The following NXPE2 variants were observed in gnomAD, a reference collection of about 807,000 sequenced individuals.
NXPE2 encodes NXPE family member 2.
Under a neutral mutation model 34.4 loss-of-function variants are expected in NXPE2, and 34 were observed. The ratio of observed to expected loss-of-function variants is 0.99; its 90% confidence interval spans 0.75 to 1.31. The LOEUF (loss-of-function observed/expected upper bound fraction) is 1.31. Ranked by LOEUF, NXPE2 falls within the 40% of genes most tolerant of loss-of-function variation. The pLI is 0.00. For missense variants in NXPE2, 649 were observed against 672.5 expected (o/e 0.97, Z 0.39); for synonymous variants, 235 against 231.3 (o/e 1.02, Z -0.15).
the NXPE2 span, among the ~76,000 whole-genome samples, chr11:114,534,605 T>G: frequency 6.6e-6 from 1 of 152,134 alleles, no homozygotes; most frequent in Non-Finnish European, 1.5e-5. Flanking sequence ...CTGATGGAGC[T>G]GAAAACCACA....
chr11:114,757,658 A>G, the NXPE2 span, among the ~76,000 whole-genome samples: 1 of 152,246 alleles, frequency 6.6e-6, no homozygotes, highest in Non-Finnish European at 1.5e-5. Context: ...AAACCAAAGG[A>G]GAAATATGCA....
At chr11:114,622,611 A>T in the NXPE2 span, among the ~76,000 whole-genome samples, 1 of 136,592 alleles carries the variant, frequency 7.3e-6, no homozygotes, top group Admixed American at 7.1e-5. Flanking sequence ...TCGTGGGTAA[A>T]CACTGTTACC....
the NXPE2 span, chr11:114,583,675 T>C: frequency 6.9e-6 from 4 of 582,968 alleles, no homozygotes; most frequent in Non-Finnish European, 1.4e-5. Flanking sequence ...GCCTGCACCA[T>C]GCAAAGAAGT....
chr11:114,719,047 T>G, the NXPE2 span, among the ~76,000 whole-genome samples: 8 of 152,172 alleles, frequency 5.3e-5, no homozygotes, highest in Non-Finnish European at 1.2e-4. Context: ...ATGAGGAATT[T>G]AGAACACTTC....
At chr11:114,803,585 T>TCTC in the NXPE2 span, among the ~76,000 whole-genome samples, 1 of 77,370 alleles carries the variant, frequency 1.3e-5, no homozygotes, top group African/African-American at 5.4e-5. Context: ...TCTCTCTCTC[T>TCTC]TTTTTTTTTT....
At chr11:114,521,935 TG>T in the NXPE2 span, 1 of 1,462,602 alleles carries the variant, frequency 6.8e-7, no homozygotes, top group Non-Finnish European at 9.4e-7. Flanking sequence ...GTGCAGAGAT[TG>T]GTTCCTAGTG....
At chr11:114,613,752 G>A in the NXPE2 span, among the ~76,000 whole-genome samples, 21 of 151,854 alleles carry the variant, frequency 1.4e-4, no homozygotes, top group Admixed American at 5.3e-4. Context: ...ACTGTTACCC[G>A]GTGGATAATA....
At chr11:114,577,137 A>G in the NXPE2 span, among the ~76,000 whole-genome samples, 1 of 142,568 alleles carries the variant, frequency 7.0e-6, no homozygotes, top group East Asian at 2.0e-4. Flanking sequence ...TTATATATAT[A>G]TAATGTCATA....
the NXPE2 span, among the ~76,000 whole-genome samples, chr11:114,760,020 C>A: frequency 6.6e-6 from 1 of 151,650 alleles, no homozygotes; most frequent in African/African-American, 2.4e-5. Context: ...TTTTTCATGG[C>A]GCTTCTAAAT....
the NXPE2 span, chr11:114,551,179 TG>T: frequency 1.3e-5 from 20 of 1,534,936 alleles, no homozygotes; most frequent in African/African-American, 2.7e-5. Flanking sequence ...CAGCGTTTTT[TG>T]AAGCATTGTA....
chr11:114,774,573 A>G, the NXPE2 span, among the ~76,000 whole-genome samples: 1 of 152,178 alleles, frequency 6.6e-6, no homozygotes, highest in Non-Finnish European at 1.5e-5. Context: ...CCATGGCTTC[A>G]TTAATAAACT....
At chr11:114,582,263 A>T in the NXPE2 span, 71 of 1,533,878 alleles carry the variant, frequency 4.6e-5, no homozygotes, top group Admixed American at 6.3e-5. Context: ...TTGCACAGGT[A>T]GTCTCAAGAA....
At chr11:114,524,493 G>A in the NXPE2 span, among the ~76,000 whole-genome samples, 1 of 152,180 alleles carries the variant, frequency 6.6e-6, no homozygotes, top group Admixed American at 6.5e-5. Flanking sequence ...ACTTGGAATA[G>A]CTCTTAAGTC....
the NXPE2 span, among the ~76,000 whole-genome samples, chr11:114,485,471 C>G: frequency 6.9e-6 from 1 of 145,818 alleles, no homozygotes; most frequent in Non-Finnish European, 1.5e-5. Flanking sequence ...CTCAAGTGAT[C>G]CTGCCACCTC....
chr11:114,651,010 G>C, the NXPE2 span, among the ~76,000 whole-genome samples: 1 of 151,838 alleles, frequency 6.6e-6, no homozygotes, highest in Non-Finnish European at 1.5e-5. Flanking sequence ...CTAAGCACAA[G>C]GCAACAAAGA....
the NXPE2 span, among the ~76,000 whole-genome samples, chr11:114,481,243 G>A: frequency 6.6e-6 from 1 of 152,138 alleles, no homozygotes. Context: ...AATGATCAGA[G>A]AGCTTTGATT....
intron 2 of NXPE2, among the ~76,000 whole-genome samples, chr11:114,685,047 A>G (rs1017582175): frequency 6.6e-6 from 1 of 152,230 alleles, no homozygotes; most frequent in Non-Finnish European, 1.5e-5. Context: ...AAAGTGACAG[A>G]GAAGAGGAGG....
chr11:114,500,246 A>T, the NXPE2 span, among the ~76,000 whole-genome samples: 7 of 152,124 alleles, frequency 4.6e-5, no homozygotes, highest in African/African-American at 1.7e-4. Context: ...TGAGACTTCC[A>T]GTTATTCCAC....
the NXPE2 span, among the ~76,000 whole-genome samples, chr11:114,751,009 C>T: frequency 1.3e-5 from 2 of 152,024 alleles, no homozygotes; most frequent in East Asian, 3.9e-4. Flanking sequence ...AGTGAAGGTC[C>T]TGTTTTGCAT....
Sources: allele counts gnomAD v4.1 joint callset (sites outside exome capture counted in the v4.1 genomes callset), GRCh38; gene constraint gnomAD v4.1.1; transcripts MANE v1.5; gene names NCBI Gene and HGNC (gene_info 2026-07-23, HGNC 2026-07-21).